The following LMTK3 variants were observed in gnomAD, a reference collection of about 807,000 sequenced individuals.
LMTK3 encodes the protein lemur tail kinase 3, also known as serine/threonine-protein kinase LMTK3.
A neutral mutation model predicts 116.7 loss-of-function variants in LMTK3; 27 were observed. The ratio of observed to expected loss-of-function variants is 0.23; its 90% confidence interval spans 0.17 to 0.32. The LOEUF (loss-of-function observed/expected upper bound fraction) is 0.32, where lower values mean the gene tolerates loss of function less well. LMTK3 is among the 10% of genes least tolerant of loss of function. The pLI, the probability that LMTK3 is intolerant of heterozygous loss-of-function variation, is 1.00. For synonymous variants in LMTK3, 965 were observed against 971.0 expected (o/e 0.99, Z 0.11); for missense variants, 1,764 against 2,068.5 (o/e 0.85, Z 2.86).
At chr19:48,513,268 C>T, upstream of LMTK3, 1 of 1,034,480 alleles carries the variant, frequency 9.7e-7, no homozygotes, top group South Asian at 1.4e-5. The surrounding 1 kb of genome is among the most constrained non-coding windows in gnomAD (Gnocchi z 5.6). Flanking sequence ...TCGTCCGCAG[C>T]GTTTTACACG....
intron 4 of LMTK3, 50 bp from the exon 5 acceptor site, chr19:48,509,019 TC>T: frequency 1.5e-6 from 2 of 1,296,752 alleles, no homozygotes. Flanking sequence ...CCCAGCCCCG[TC>T]CCCTGGGACC....
At position 48,510,185 on chromosome 19, in the gene LMTK3, AGAG is replaced by A. The variant is rs1972632971; in HGVS notation, c.211-15_211-13del. The A allele has an allele frequency of 6.2e-7, 1 of 1,607,190 alleles. No individual in the cohort carries two copies. Among genetic ancestry groups the A allele is most frequent in the South Asian group, 1.1e-5 (1 of 90,964 alleles). On this transcript the variant is annotated splice_polypyrimidine_tract_variant and intron_variant, in intron 2 of 14. Transcript: ENST00000600059. ...GGGTTCTCAAATTCCTGGGGCCAGG[AGAG>A]GAGAAGAGGGGTGGGAGAACGCAGG... is the stretch of plus-strand genomic sequence containing the variant.
At chr19:48,490,844 G>C (rs1420985681) in intron 14 of LMTK3, among the ~76,000 whole-genome samples, 1 of 152,174 alleles carries the variant, frequency 6.6e-6, no homozygotes, top group Non-Finnish European at 1.5e-5. Context: ...GCAAGAGTCG[G>C]GGGTGGGGGT....
chr19:48,492,194 T>A (rs1972238783), intron 12 of LMTK3, among the ~76,000 whole-genome samples: 1 of 152,150 alleles, frequency 6.6e-6, no homozygotes, highest in African/African-American at 2.4e-5. Context: ...ATATCCTGTG[T>A]TTTTCTTTTT....
upstream of LMTK3, among the ~76,000 whole-genome samples, chr19:48,512,121 CAT>C (rs762736768): frequency 2.6e-5 from 4 of 152,114 alleles, no homozygotes; most frequent in African/African-American, 9.7e-5. Flanking sequence ...AGCATGGACA[CAT>C]GTGCTACACG....
At chr19:48,496,966 C>G (rs936287106) in intron 11 of LMTK3, among the ~76,000 whole-genome samples, 1 of 152,246 alleles carries the variant, frequency 6.6e-6, no homozygotes, top group African/African-American at 2.4e-5. Flanking sequence ...TGAAGCCCCA[C>G]TCTGCCTCCC....
At chr19:48,486,209 G>A (rs911819379) in intron 14 of LMTK3, among the ~76,000 whole-genome samples, 72 of 149,040 alleles carry the variant, frequency 4.8e-4, no homozygotes, top group East Asian at 3.4e-3. Context: ...ACAGGCGCCC[G>A]CCACTACGCC....
intron 14 of LMTK3, among the ~76,000 whole-genome samples, chr19:48,489,258 T>A (rs1325412685): frequency 6.6e-6 from 1 of 152,144 alleles, no homozygotes; most frequent in African/African-American, 2.4e-5. Context: ...CTTAATTAAG[T>A]GCAGTAATAG....
chr19:48,501,007 G>A lies in LMTK3; in HGVS notation c.1140C>T (p.Tyr380=), dbSNP rs1353055944. ...KLARPRLKLP[Y]ADYWYDILQS... is the part of the protein sequence containing the mutation. ...GGGCTAGCCCTCACCAGTAGTCCGC[G>A]TAAGGCAGCTTGAGCCTCGGCCGGG... is the stretch of plus-strand genomic sequence containing the variant. The change falls in exon 10 of 15, where the codon TAC becomes TAT. Residue 380 remains tyrosine (Y), a synonymous_variant. Coordinates refer to ENST00000600059, the MANE Select transcript of LMTK3 (RefSeq NM_001388485.1). The A allele has an allele frequency of 2.6e-6, 4 of 1,524,246 alleles. No homozygotes were observed. Among genetic ancestry groups the A allele is most frequent in the African/African-American group, 2.8e-5 (2 of 72,470 alleles). 94.4% of individuals were successfully genotyped at this position (1,524,246 alleles called of 1,614,324 possible).
chr19:48,496,413 C>T (rs1972326040), intron 11 of LMTK3, among the ~76,000 whole-genome samples: 1 of 152,124 alleles, frequency 6.6e-6, no homozygotes, highest in African/African-American at 2.4e-5. Flanking sequence ...ATTCTCCTGC[C>T]TCAGCCTTCC....
In LMTK3 at chr19:48,493,688, C is replaced by G. The variant is rs1204596560; in HGVS notation, c.4092+6G>C. 1 of 1,564,324 alleles carries G rather than the reference C, an allele frequency of 6.4e-7. No individual in the cohort carries two copies. Among genetic ancestry groups the G allele is most frequent in the African/African-American group, 1.4e-5 (1 of 72,998 alleles). ...CCCCGAAACCGCGCCCTCTCGGGTT[C>G]CGCACCTGGTCGAAGAGGTAGACGG... On this transcript the variant is annotated splice_donor_region_variant and intron_variant, in intron 12 of 14. Coordinates refer to ENST00000600059, the MANE Select transcript of LMTK3 (RefSeq NM_001388485.1).
rs1234280882 is a variant in LMTK3 at position 48,498,899 on chromosome 19, G to T, written c.2170C>A (p.Pro724Thr). The change falls in exon 11 of 15, where the codon CCC becomes ACC. Residue 724 changes from proline (P) to threonine (T), a missense_variant. Physicochemically the swap from Pro to Thr is conservative, Grantham distance 38 (BLOSUM62 -1). This residue lies in a region of LMTK3 where 1,028 missense variants were observed against 1,050.6 expected (regional missense o/e 0.98). Coordinates refer to ENST00000600059, the MANE Select transcript of LMTK3 (RefSeq NM_001388485.1). ...AACTCGGGGGGGGCCGAGGCGGGGG[G>T]GGCCATGGGCAAGTCGGCCAGGGAG... ...RGSLADLPMAPPASAPPEFLD... is the reference protein window; with the variant it reads ...RGSLADLPMATPASAPPEFLD... 5 of 1,222,782 alleles carry T rather than the reference G, an allele frequency of 4.1e-6. No homozygotes were observed. The highest frequency in any genetic ancestry group is 5.4e-5 in the South Asian group (2 of 36,958). The allele number at this position is 1,222,782 out of a possible 1,614,324, so 75.7% of individuals were successfully genotyped here. A position where few individuals can be genotyped will look rare whatever the true frequency, so the allele number is the denominator to read the frequency against.
Position 48,501,324 on chromosome 19 carries a change from C to A in LMTK3, c.960G>T (p.Gly320=), listed in dbSNP as rs1474378319. 3.1e-6 allele frequency: 5 copies of A among 1,613,580 alleles called. No individual in the cohort carries two copies. Among genetic ancestry groups the A allele is most frequent in the Non-Finnish European group, 4.2e-6 (5 of 1,179,802 alleles). ...AAPELLGELH[G]TFMVVDQSRE... ...GGCTCTGGTCCACCACCATGAAGGT[C>A]CCGTGGAGCTCCCCGAGGAGCTCGG... Residue 320 remains glycine (G), a synonymous_variant, in exon 9 of 15, where the codon GGG becomes GGT. Transcript: ENST00000600059.
Position 48,497,685 on chromosome 19 carries a change from T to G in LMTK3, c.3384A>C (p.Gly1128=). Residue 1128 remains glycine (G), a synonymous_variant, in exon 11 of 15, where the codon GGA becomes GGC. Transcript: ENST00000600059. The surrounding 1 kb of genome is among the most constrained non-coding windows in gnomAD (Gnocchi z 5.7). The part of the protein sequence containing the change: ...GTGTAPGGGP[G]SGVDAKAGWV... ...ATCCGGCCTTTGCGTCCACGCCGCT[T>G]CCGGGGCCGCCGCCGGGGGCCGTCC... is the stretch of plus-strand genomic sequence containing the variant. 7.6e-7 allele frequency: 1 copy of G among 1,314,082 alleles called. No individual in the cohort carries two copies. The highest frequency in any genetic ancestry group is 9.7e-7 in the Non-Finnish European group (1 of 1,035,656). The allele number at this position is 1,314,082 out of a possible 1,614,324, so 81.4% of individuals were successfully genotyped here.
intron 1 of LMTK3, 57 bp from the exon 2 acceptor site, chr19:48,510,649 A>T (rs1972641675): frequency 1.3e-6 from 2 of 1,483,006 alleles, no homozygotes; most frequent in South Asian, 1.4e-5. Context: ...TACCGGAATC[A>T]TGCCCCCTCC....
intron 7 of LMTK3, 81 bp downstream of exon 7, chr19:48,502,352 C>G: frequency 2.0e-6 from 3 of 1,470,608 alleles, no homozygotes; most frequent in South Asian, 1.3e-5. Flanking sequence ...GGTCCGCCCC[C>G]CCTCTAGCCC....
Position 48,499,854 on chromosome 19 carries a change from T to C in LMTK3, c.1215A>G (p.Gln405=). Residue 405 remains glutamine (Q), a synonymous_variant, in exon 11 of 15, where the codon CAA becomes CAG. Coordinates refer to ENST00000600059, the MANE Select transcript of LMTK3 (RefSeq NM_001388485.1). ...CGGAGAGCAAGTAGGTGAGCTGCAATTGGAGATCAGAGGCTGAAGGGCGCT... is the reference window on the plus strand; with the variant it reads ...CGGAGAGCAAGTAGGTGAGCTGCAACTGGAGATCAGAGGCTGAAGGGCGCT... ...PAQRPSASDL[Q]LQLTYLLSER... 6.3e-7 allele frequency: 1 copy of C among 1,593,462 alleles called. No homozygotes were observed. The highest frequency in any genetic ancestry group is 8.5e-7 in the Non-Finnish European group (1 of 1,171,950).
chr19:48,497,667 C>A lies in LMTK3; in HGVS notation c.3402G>T (p.Lys1134Asn). The change falls in exon 11 of 15, where the codon AAG (lysine) becomes AAT (asparagine). Residue 1134 changes from lysine (K) to asparagine (N), a missense_variant. Physicochemically the swap from Lys to Asn is moderately conservative, Grantham distance 94. This residue lies in a region of LMTK3 where 1,028 missense variants were observed against 1,050.6 expected (regional missense o/e 0.98). Coordinates refer to ENST00000600059, the MANE Select transcript of LMTK3 (RefSeq NM_001388485.1). This position sits in a 1 kb window ranked among gnomAD's most constrained non-coding sequence, Gnocchi z 5.7. The stretch of plus-strand genomic sequence containing the variant: ...GCCTCGTGTTGTCTACCCATCCGGC[C>A]TTTGCGTCCACGCCGCTTCCGGGGC... ...GGGPGSGVDA[K>N]AGWVDNTRPQ... is the part of the protein sequence containing the mutation. 7.6e-7 allele frequency: 1 copy of A among 1,320,262 alleles called. No individual in the cohort carries two copies. The highest frequency in any genetic ancestry group is 9.6e-7 in the Non-Finnish European group (1 of 1,038,848). The allele number at this position is 1,320,262 out of a possible 1,614,324, so 81.8% of individuals were successfully genotyped here. A position where few individuals can be genotyped will look rare whatever the true frequency, so the allele number is the denominator to read the frequency against.
chr19:48,490,853 G>T (rs989280727), intron 14 of LMTK3, among the ~76,000 whole-genome samples: 6 of 152,154 alleles, frequency 3.9e-5, no homozygotes, highest in Non-Finnish European at 8.8e-5. Flanking sequence ...GGGGGTGGGG[G>T]TAATCCCCAC....
Sources: gnomAD v4.1 joint callset for allele counts (sites outside exome capture counted in the v4.1 genomes callset) on GRCh38, gnomAD v4.1.1 for gene constraint, gnomAD v4.1.1 regional missense constraint, Gnocchi (gnomAD v3.1) non-coding constraint, MANE v1.5 for transcripts, NCBI Gene and HGNC (gene_info 2026-07-23, HGNC 2026-07-21) for gene names.